Variants in ERBB4 observed in about 807,000 individuals in gnomAD.
The protein encoded by ERBB4 is erb-b2 receptor tyrosine kinase 4, also known as receptor tyrosine-protein kinase erbB-4.
Under a neutral mutation model 158.0 loss-of-function variants are expected in ERBB4, and 42 were observed. The observed-to-expected ratio is 0.27, with a 90% confidence interval of 0.21 to 0.34. ERBB4 has a LOEUF of 0.34. ERBB4 is among the 10% of genes least tolerant of loss of function. ERBB4 has a pLI of 1.00. For synonymous variants in ERBB4, 583 were observed against 558.7 expected, an observed-to-expected ratio of 1.04 and a Z score of -0.61; for missense variants, 1,333 against 1,624.1, an observed-to-expected ratio of 0.82 and a Z score of 3.08.
intron 2 of ERBB4, among the ~76,000 whole-genome samples, chr2:212,024,783 GCCTAAAATCAAT>G (rs938287654): frequency 2.0e-5 from 3 of 150,154 alleles, no homozygotes; most frequent in Admixed American, 6.6e-5. Flanking sequence ...TGAGCAGGTG[GCCTAAAATCAAT>G]CCTAAAATCT....
In ERBB4 at chr2:212,335,205, G is replaced by T. The variant is rs1269771009; in HGVS notation, c.82+203244C>A. 3.9e-5 allele frequency among the ~76,000 whole-genome samples: 6 copies of T among 151,958 alleles called. No homozygotes were observed. The East Asian group carries it at 1.2e-3, about 29-fold the overall frequency. On this transcript the variant is annotated intron_variant, in intron 1 of 27. Transcript: ENST00000342788. Reference sequence around the variant, plus strand: ...TTTAAACGATAAAGGTTCTAAAATTGTATAAAGAGGAGCTACATATTTGGA... The same window carrying T: ...TTTAAACGATAAAGGTTCTAAAATTTTATAAAGAGGAGCTACATATTTGGA...
At chr2:212,305,428 G>GT (rs1346203854) in intron 1 of ERBB4, among the ~76,000 whole-genome samples, 1 of 151,072 alleles carries the variant, frequency 6.6e-6, no homozygotes, top group East Asian at 2.0e-4. Flanking sequence ...TATTTAATTG[G>GT]TCAAGATTGT....
chr2:211,538,962 ACT>A (rs2125678911), intron 20 of ERBB4, among the ~76,000 whole-genome samples: 1 of 152,022 alleles, frequency 6.6e-6, no homozygotes, highest in African/African-American at 2.4e-5. Flanking sequence ...GATTATGTGC[ACT>A]GACTAAATGA....
intron 1 of ERBB4, among the ~76,000 whole-genome samples, chr2:212,420,025 T>C (rs1425507571): frequency 1.3e-5 from 2 of 152,062 alleles, no homozygotes; most frequent in African/African-American, 4.8e-5. Context: ...GCATACATTA[T>C]GAAAACTGAA....
chr2:211,643,758 A>C (rs1574913662), intron 16 of ERBB4, among the ~76,000 whole-genome samples: 2 of 151,940 alleles, frequency 1.3e-5, no homozygotes, highest in Non-Finnish European at 2.9e-5. Context: ...GGAGGGGGAC[A>C]GGGGTGGGAG....
chr2:212,426,179 C>T (rs566076701), intron 1 of ERBB4: 5 of 439,694 alleles, frequency 1.1e-5, no homozygotes, highest in African/African-American at 4.4e-5. Context: ...TGATATCACT[C>T]TTTATAGAAG....
intron 2 of ERBB4, among the ~76,000 whole-genome samples, chr2:212,098,278 A>G (rs2125509280): frequency 6.6e-6 from 1 of 152,316 alleles, no homozygotes; most frequent in East Asian, 1.9e-4. Context: ...GCAAGCTTCT[A>G]TCCTTGACTT....
In ERBB4 at chr2:211,462,074, G is replaced by A. The variant is rs548584927; in HGVS notation, c.2488-30974C>T. On this transcript the variant is annotated intron_variant, in intron 20 of 27. Coordinates refer to ENST00000342788, the MANE Select transcript of ERBB4 (RefSeq NM_005235.3). ...AAGAAAAGAGGTTTAATTGACTCAT[G>A]GTTTTGCAGGCTCTACAGGAAGCAT... 1.6e-4 allele frequency among the ~76,000 whole-genome samples: 24 copies of A among 152,090 alleles called. 1 individual carries two copies. The East Asian group carries it at 4.7e-3, about 30-fold the overall frequency.
chr2:212,462,975 A>C (rs113794527), intron 1 of ERBB4, among the ~76,000 whole-genome samples: 5 of 152,130 alleles, frequency 3.3e-5, no homozygotes, highest in African/African-American at 9.7e-5. Flanking sequence ...CCAGGAAGAA[A>C]TTATGTTAAA....
intron 23 of ERBB4, among the ~76,000 whole-genome samples, chr2:211,422,843 C>A (rs993463702): frequency 6.6e-6 from 1 of 151,860 alleles, no homozygotes; most frequent in East Asian, 1.9e-4. Context: ...GAGTTTAAAT[C>A]ATTTCCTATG....
chr2:212,416,014 C>T (rs762724261), intron 1 of ERBB4, among the ~76,000 whole-genome samples: 18 of 152,116 alleles, frequency 1.2e-4, no homozygotes, highest in Non-Finnish European at 2.4e-4. Flanking sequence ...AGCAACAAAG[C>T]ACGAATCTCT....
chr2:211,773,456 A>T (rs1213050899), intron 4 of ERBB4, among the ~76,000 whole-genome samples: 3 of 149,952 alleles, frequency 2.0e-5, no homozygotes, highest in African/African-American at 7.3e-5. Context: ...GCAATGCATG[A>T]TGAATACGAG....
intron 3 of ERBB4, among the ~76,000 whole-genome samples, chr2:211,857,403 T>C (rs556640687): frequency 6.6e-6 from 1 of 152,260 alleles, no homozygotes; most frequent in African/African-American, 2.4e-5. Context: ...AAAAGTCCCT[T>C]CACCCTAAAA....
intron 20 of ERBB4, 43 bp from the exon 21 acceptor site, chr2:211,431,143 A>C: frequency 6.3e-7 from 1 of 1,588,702 alleles, no homozygotes. Flanking sequence ...GTTAATGCCC[A>C]GGTTTTCCCA....
At chr2:211,779,181 A>G (rs1227104141) in intron 4 of ERBB4, 1 of 152,196 alleles carries the variant, frequency 6.6e-6, no homozygotes, top group African/African-American at 2.4e-5. Flanking sequence ...CCCTACTGGC[A>G]TCAAGGTCTT....
At chr2:211,884,773 T>C (rs941657166) in intron 3 of ERBB4, among the ~76,000 whole-genome samples, 17 of 152,234 alleles carry the variant, frequency 1.1e-4, no homozygotes, top group African/African-American at 4.1e-4. Flanking sequence ...AAACATGTTA[T>C]AGTGAAGACT....
At chr2:212,382,481 C>T (rs1021082195) in intron 1 of ERBB4, among the ~76,000 whole-genome samples, 2 of 150,458 alleles carry the variant, frequency 1.3e-5, no homozygotes, top group African/African-American at 4.9e-5. Flanking sequence ...ATATAGTTCA[C>T]ATTGTCCTAC....
chr2:211,870,828 A>G (rs1331832547), intron 3 of ERBB4, among the ~76,000 whole-genome samples: 1 of 152,202 alleles, frequency 6.6e-6, no homozygotes, highest in African/African-American at 2.4e-5. Flanking sequence ...GACTTGTGAA[A>G]TAAAGACTTT....
chr2:212,369,822 G>T (rs1169985429), intron 1 of ERBB4, among the ~76,000 whole-genome samples: 1 of 151,186 alleles, frequency 6.6e-6, no homozygotes, highest in East Asian at 1.9e-4. Context: ...CCTCACAATA[G>T]CTAGGATTAC....
Sources: gnomAD v4.1 joint callset for allele counts (sites outside exome capture counted in the v4.1 genomes callset) on GRCh38, gnomAD v4.1.1 for gene constraint, MANE v1.5 for transcripts, NCBI Gene and HGNC (gene_info 2026-07-23, HGNC 2026-07-21) for gene names.